The following CYP4F2 variants were observed in gnomAD, a reference collection of about 807,000 sequenced individuals.
CYP4F2 encodes cytochrome P450 4F2.
A neutral mutation model predicts 58.9 loss-of-function variants in CYP4F2; 58 were observed. That is an observed-to-expected ratio of 0.98 (90% CI 0.80 to 1.23). The LOEUF is 1.23. Among genes scored for constraint, CYP4F2 ranks in the 50% most tolerant of loss-of-function variants. The pLI, the probability that CYP4F2 is intolerant of heterozygous loss-of-function variation, is 0.00. For missense variants in CYP4F2, 616 were observed against 685.6 expected (o/e 0.90, Z 1.13); for synonymous variants, 287 against 261.1 (o/e 1.10, Z -0.95).
rs779245682 is a variant in CYP4F2, at chr19:15,878,933, G to A, written c.1401C>T (p.Asn467=). 6.2e-7 allele frequency: 1 copy of A among 1,613,056 alleles called. No individual in the cohort carries two copies. Among genetic ancestry groups the A allele is most frequent in the Non-Finnish European group, 8.5e-7 (1 of 1,179,550 alleles). ...AFIPFSAGPR[N]CIGQTFAMAE... ...CCATCGCGAACGTCTGCCCGATGCA[G>A]TTCCTAGGGGAGGGAGGTGGGAACT... Residue 467 remains asparagine (N), a synonymous_variant, in exon 13 of 13, where the codon AAC becomes AAT. Coordinates refer to ENST00000221700, the MANE Select transcript of CYP4F2 (RefSeq NM_001082.5).
intron 6 of CYP4F2, 79 bp from the exon 7 acceptor site, chr19:15,889,772 A>C (rs2031800434): frequency 6.4e-7 from 1 of 1,570,656 alleles, no homozygotes; most frequent in South Asian, 1.2e-5. Context: ...AGCAGCCAGG[A>C]TCTACCTCCT....
chr19:15,892,145 T>C (rs1445554574), intron 5 of CYP4F2, among the ~76,000 whole-genome samples, 164 bp downstream of exon 5: 17 of 152,140 alleles, frequency 1.1e-4, no homozygotes, highest in Admixed American at 1.1e-3. Context: ...GACCATCTTT[T>C]AAGTAGGGAT....
In CYP4F2 at chr19:15,878,686, G is replaced by C; in HGVS notation, c.*85C>G. Reference sequence around the variant, plus strand: ...ATCTAGGATGGAATACAGGACTGTGGAACAGGGTCTTAGGGTAATTCTAGG... The same window carrying C: ...ATCTAGGATGGAATACAGGACTGTGCAACAGGGTCTTAGGGTAATTCTAGG... On this transcript the variant is annotated 3_prime_UTR_variant, in exon 13 of 13. Transcript: ENST00000221700. 6.4e-7 allele frequency: 1 copy of C among 1,551,660 alleles called. No individual in the cohort carries two copies. Among genetic ancestry groups the C allele is most frequent in the Non-Finnish European group, 8.7e-7 (1 of 1,146,614 alleles).
chr19:15,878,591 G>C lies in CYP4F2; in HGVS notation c.*180C>G, dbSNP rs2089320099. The C allele has an allele frequency of 1.0e-6, 1 of 986,190 alleles. No homozygotes were observed. Among genetic ancestry groups the C allele is most frequent in the Non-Finnish European group, 1.5e-6 (1 of 685,632 alleles). The allele number at this position is 986,190 out of a possible 1,614,324, so 61.1% of individuals were successfully genotyped here. Reference sequence around the variant, plus strand: ...TTTCATCGTTTGGCTACTGTGAATAGGGCCGCCATGAACATTCACGCACAA... The same window carrying C: ...TTTCATCGTTTGGCTACTGTGAATACGGCCGCCATGAACATTCACGCACAA... On this transcript the variant is annotated 3_prime_UTR_variant, in exon 13 of 13. Transcript: ENST00000221700.
chr19:15,886,164 G>A, intron 8 of CYP4F2, 78 bp downstream of exon 8: 1 of 1,609,664 alleles, frequency 6.2e-7, no homozygotes, highest in Non-Finnish European at 8.5e-7. Context: ...GGATGGGAAG[G>A]TTGTGGGGGT....
chr19:15,891,091 A>T (rs1235245714), intron 5 of CYP4F2, among the ~76,000 whole-genome samples: 1 of 152,210 alleles, frequency 6.6e-6, no homozygotes, highest in African/African-American at 2.4e-5. Flanking sequence ...TGGGCATGTC[A>T]TGAATGCAAG....
At position 15,886,287 on chromosome 19, in the gene CYP4F2, A is replaced by G. The variant is rs755889751; in HGVS notation, c.940T>C (p.Ser314Pro). ...LSKDEDGKKL[S>P]DEDIRAEADT... ...GCTTCTGCTCTTATGTCCTCATCAGATAACTTCTTCCCGTCTTCATCCTGG... is the reference window on the plus strand; with the variant it reads ...GCTTCTGCTCTTATGTCCTCATCAGGTAACTTCTTCCCGTCTTCATCCTGG... The change falls in exon 8 of 13, where the codon TCT (serine) becomes CCT (proline). Residue 314 changes from serine to proline, a missense_variant. Transcript: ENST00000221700. 1 of 1,614,030 alleles carries G rather than the reference A, an allele frequency of 6.2e-7. No homozygotes were observed. Among genetic ancestry groups the G allele is most frequent in the East Asian group, 2.2e-5 (1 of 44,842 alleles).
chr19:15,898,059 CCT>C lies in CYP4F2; in HGVS notation c.-37_-36del, dbSNP rs1345910882. 2 of 185,468 alleles carry C rather than the reference CCT, an allele frequency of 1.1e-5. No individual in the cohort carries two copies. The highest frequency in any genetic ancestry group is 2.2e-5 in the Non-Finnish European group (2 of 90,764). The allele number at this position is 185,468 out of a possible 1,614,324, so 11.5% of individuals were successfully genotyped here. On this transcript the variant is annotated 5_prime_UTR_variant, in exon 1 of 13. Transcript: ENST00000221700. ...AGGAGCAGTCTGTCCCAGACAACCT[CCT>C]CTCTCTGTCTGCTGGGAGGCCTTTG...
At chr19:15,896,459 G>A (rs2089449225) in intron 2 of CYP4F2, among the ~76,000 whole-genome samples, 1 of 152,172 alleles carries the variant, frequency 6.6e-6, no homozygotes, top group Admixed American at 6.5e-5. Context: ...CAGCCCAGAG[G>A]CAGCTATATG....
Position 15,897,539 on chromosome 19 carries a change from C to T in CYP4F2, c.73G>A (p.Val25Ile), listed in dbSNP as rs964512548. 23 of 1,614,024 alleles carry T rather than the reference C, an allele frequency of 1.4e-5. No individual in the cohort carries two copies. Among genetic ancestry groups the T allele is most frequent in the Non-Finnish European group, 1.9e-5 (22 of 1,179,980 alleles). The change falls in exon 2 of 13, where the codon GTC becomes ATC. Residue 25 changes from valine to isoleucine, a missense_variant. Val to Ile is a conservative substitution (Grantham distance 29). Transcript: ENST00000221700. ...AASPWLLLLL[V>I]GASWLLAHVL... ...TGGGCCAGGAGCCAGGAGGCCCCGA[C>T]CAGCAGGAGGAGCAGCCAAGGGGAT...
chr19:15,896,179 A>C (rs2089446993), intron 2 of CYP4F2, among the ~76,000 whole-genome samples: 1 of 152,022 alleles, frequency 6.6e-6, no homozygotes, highest in Non-Finnish European at 1.5e-5. Context: ...CTGTCCATCC[A>C]TCCATCCATC....
chr19:15,878,854 C>G lies in CYP4F2; in HGVS notation c.1480G>C (p.Asp494His). 2 of 1,614,068 alleles carry G rather than the reference C, an allele frequency of 1.2e-6. No homozygotes were observed. Among genetic ancestry groups the G allele is most frequent in the South Asian group, 2.2e-5 (2 of 91,066 alleles). Residue 494 changes from aspartate (D) to histidine (H), a missense_variant, in exon 13 of 13, where the codon GAC (aspartate) becomes CAC (histidine). Physicochemically the swap from Asp to His is moderately conservative, Grantham distance 81. Transcript: ENST00000221700. ...LTLLRFRVLP[D>H]HTEPRRKPEL... ...GGCTTCCTGCGGGGCTCGGTGTGGT[C>G]AGGCAGGACGCGGAAGCGCAGCAGC...
chr19:15,879,773 T>C lies in CYP4F2; in HGVS notation c.1240A>G (p.Ile414Val). ...QDIVLPDGRV[I>V]PKGIICLISV... is the part of the protein sequence containing the mutation. ...GTGAGGCTGTGAGCACCTTTGGGGA[T>C]GACCCGGCCGTCTGGGAGCACAATG... Residue 414 changes from isoleucine to valine, a missense_variant, in exon 10 of 13, where the codon ATC becomes GTC. Ile to Val is a conservative substitution (Grantham distance 29). Transcript: ENST00000221700. The C allele has an allele frequency of 1.2e-6, 2 of 1,614,084 alleles. No individual in the cohort carries two copies. The highest frequency in any genetic ancestry group is 1.7e-6 in the Non-Finnish European group (2 of 1,179,988).
chr19:15,893,248 A>C (rs1173516004), intron 3 of CYP4F2, among the ~76,000 whole-genome samples: 1 of 152,138 alleles, frequency 6.6e-6, no homozygotes, highest in Non-Finnish European at 1.5e-5. Flanking sequence ...GACTCAAATA[A>C]TGTCTCAGAC....
chr19:15,885,051 C>G (rs1224693067), intron 9 of CYP4F2, among the ~76,000 whole-genome samples: 1 of 151,926 alleles, frequency 6.6e-6, no homozygotes, highest in African/African-American at 2.4e-5. Flanking sequence ...CTCTCCCTCT[C>G]TCTCCCCTTC....
chr19:15,882,513 TTA>T (rs2089351948), intron 9 of CYP4F2, among the ~76,000 whole-genome samples: 2 of 148,498 alleles, frequency 1.3e-5, no homozygotes, highest in African/African-American at 5.0e-5. Context: ...GATTTGTTCA[TTA>T]CCTTGATTTA....
At chr19:15,896,069 TATCC>T (rs746020026) in intron 2 of CYP4F2, among the ~76,000 whole-genome samples, 6,519 of 142,322 alleles carry the variant, frequency 0.046, 152 homozygotes, top group African/African-American at 0.05. Context: ...TCTATCTATC[TATCC>T]ATCCATCCAT....
At chr19:15,891,406 C>G (rs1365497939) in intron 5 of CYP4F2, among the ~76,000 whole-genome samples, 1 of 152,124 alleles carries the variant, frequency 6.6e-6, no homozygotes, top group Non-Finnish European at 1.5e-5. Flanking sequence ...CCAGGAGTCT[C>G]TCGTCCTTCT....
chr19:15,880,244 A>G (rs1024254816), intron 9 of CYP4F2, among the ~76,000 whole-genome samples: 1 of 152,236 alleles, frequency 6.6e-6, no homozygotes, highest in Non-Finnish European at 1.5e-5. Flanking sequence ...GAATATGCTC[A>G]AGATGGTAGT....
Sources: gnomAD v4.1 joint callset for allele counts (sites outside exome capture counted in the v4.1 genomes callset) on GRCh38, gnomAD v4.1.1 for gene constraint, MANE v1.5 for transcripts, NCBI Gene and HGNC (gene_info 2026-07-23, HGNC 2026-07-21) for gene names.